LRMDA: variants seen among roughly 807,000 people sequenced by gnomAD.
LRMDA encodes the protein leucine-rich melanocyte differentiation-associated protein.
In LRMDA, 18 loss-of-function variants were observed where a neutral mutation model predicts 29.8. The observed-to-expected ratio is 0.60, with a 90% CI of 0.42 to 0.90. The LOEUF (loss-of-function observed/expected upper bound fraction) is 0.90, where lower values mean the gene tolerates loss of function less well. LRMDA is among the 40% of genes least tolerant of loss of function. The pLI is 0.00. For missense variants in LRMDA, 273 were observed against 273.9 expected (o/e 1.00, Z 0.02); for synonymous variants, 125 against 109.4 (o/e 1.14, Z -0.89).
intron 2 of LRMDA, among the ~76,000 whole-genome samples, chr10:75,508,713 C>T (rs1194045451): frequency 6.6e-6 from 1 of 152,194 alleles, no homozygotes; most frequent in Non-Finnish European, 1.5e-5. Context: ...GTGTGCCTGT[C>T]AGAGGCTCCC....
intron 6 of LRMDA, among the ~76,000 whole-genome samples, chr10:76,460,906 A>G (rs1335162338): frequency 6.6e-6 from 1 of 152,202 alleles, no homozygotes; most frequent in Non-Finnish European, 1.5e-5. Flanking sequence ...TACTGTATTC[A>G]TAGATAAAAA....
Position 76,380,876 on chromosome 10 carries a change from TTAAA to T in LRMDA, c.601+56395_601+56398del, listed in dbSNP as rs539184521. 3.2e-4 allele frequency among the ~76,000 whole-genome samples: 48 copies of T among 151,942 alleles called. 1 individual carries two copies. The highest frequency in any genetic ancestry group is 1.1e-3 in the African/African-American group (44 of 41,516). Reference sequence around the variant, plus strand: ...GCCACTGTTAACAACCTATTTTTATTTAAATAATAAAATGCATGTAGCTGAAAGG... The same window carrying T: ...GCCACTGTTAACAACCTATTTTTATTTAATAAAATGCATGTAGCTGAAAGG... On this transcript the variant is annotated intron_variant, in intron 6 of 6. Coordinates refer to ENST00000611255, the MANE Select transcript of LRMDA (RefSeq NM_001305581.2).
At chr10:75,857,887 A>C (rs1207444821) in intron 2 of LRMDA, among the ~76,000 whole-genome samples, 1 of 152,260 alleles carries the variant, frequency 6.6e-6, no homozygotes, top group African/African-American at 2.4e-5. Context: ...GCAGGAGGGC[A>C]CACACAGTTC....
At chr10:75,474,679 G>T (rs1176292546) in intron 2 of LRMDA, among the ~76,000 whole-genome samples, 1 of 152,214 alleles carries the variant, frequency 6.6e-6, no homozygotes, top group Non-Finnish European at 1.5e-5. Context: ...ATCTGGGAGG[G>T]TAGTCAGAGT....
intron 5 of LRMDA, among the ~76,000 whole-genome samples, chr10:76,298,418 C>T (rs1167740566): frequency 6.6e-6 from 1 of 152,192 alleles, no homozygotes; most frequent in African/African-American, 2.4e-5. Context: ...GCCATCCTCT[C>T]TCCTTGTCCT....
chr10:76,067,706 G>A (rs940864156), intron 5 of LRMDA, among the ~76,000 whole-genome samples: 3 of 152,124 alleles, frequency 2.0e-5, no homozygotes, highest in African/African-American at 7.2e-5. Flanking sequence ...GTGATTCTAG[G>A]CTAGTGATGA....
At chr10:75,860,657 A>G (rs992986866) in intron 2 of LRMDA, among the ~76,000 whole-genome samples, 4 of 152,168 alleles carry the variant, frequency 2.6e-5, no homozygotes, top group East Asian at 1.9e-4. Flanking sequence ...TTGAAGCCCA[A>G]TGTTGCTTGT....
intron 5 of LRMDA, among the ~76,000 whole-genome samples, chr10:76,285,887 C>T (rs1840265029): frequency 6.6e-6 from 1 of 152,164 alleles, no homozygotes; most frequent in South Asian, 2.1e-4. Flanking sequence ...GCTAGAGTCC[C>T]TCTTGAAAAG....
intron 6 of LRMDA, among the ~76,000 whole-genome samples, chr10:76,539,729 G>T (rs1466837172): frequency 6.6e-6 from 1 of 152,118 alleles, no homozygotes. Flanking sequence ...TCAGAGCATT[G>T]TTTAAATTTA....
At chr10:75,518,174 G>A (rs1845315489) in intron 2 of LRMDA, among the ~76,000 whole-genome samples, 1 of 152,122 alleles carries the variant, frequency 6.6e-6, no homozygotes, top group Non-Finnish European at 1.5e-5. Context: ...TTTTGTGTGT[G>A]TATCTCTTTC....
At position 75,881,880 on chromosome 10, in the gene LRMDA, C is replaced by G. The variant is rs141528186; in HGVS notation, c.132-154128C>G. On this transcript the variant is annotated intron_variant, in intron 2 of 6. Coordinates refer to ENST00000611255, the MANE Select transcript of LRMDA (RefSeq NM_001305581.2). ...ATTCTTTGTCCAAACTTCCAAGAAC[C>G]TAGACAACTTGCAGTCAAGACCCTC... Among the ~76,000 whole-genome samples, 709 of 152,324 alleles carry G rather than the reference C, an allele frequency of 4.7e-3. 10 individuals carry two copies. The highest frequency in any genetic ancestry group is 0.016 in the African/African-American group (680 of 41,570).
chr10:75,598,292 G>C (rs1245922086), intron 2 of LRMDA, among the ~76,000 whole-genome samples: 1 of 152,180 alleles, frequency 6.6e-6, no homozygotes, highest in Admixed American at 6.5e-5. Flanking sequence ...TGCAGACGCA[G>C]CGTGAAAGGA....
intron 2 of LRMDA, among the ~76,000 whole-genome samples, chr10:75,456,603 C>G (rs183833216): frequency 3.3e-4 from 50 of 152,348 alleles, no homozygotes; most frequent in Non-Finnish European, 5.9e-4. Context: ...GGGTTACACA[C>G]TAGGTAGGTG....
intron 5 of LRMDA, among the ~76,000 whole-genome samples, chr10:76,278,070 A>G (rs1840158349): frequency 6.6e-6 from 1 of 152,194 alleles, no homozygotes; most frequent in African/African-American, 2.4e-5. Flanking sequence ...ATGCCTAGAT[A>G]AAGTTTGCTT....
chr10:75,496,706 A>G (rs1206040023), intron 2 of LRMDA, among the ~76,000 whole-genome samples: 3 of 152,198 alleles, frequency 2.0e-5, no homozygotes, highest in Non-Finnish European at 1.5e-5. Context: ...GAACTGACCT[A>G]GCATACTTTC....
chr10:75,832,318 C>A (rs1015458052), intron 2 of LRMDA, among the ~76,000 whole-genome samples: 2 of 152,114 alleles, frequency 1.3e-5, no homozygotes, highest in African/African-American at 4.8e-5. Context: ...AGGGAAGGAG[C>A]AAAATGCCAC....
intron 4 of LRMDA, among the ~76,000 whole-genome samples, chr10:76,048,090 C>A (rs1173307853): frequency 6.6e-6 from 1 of 152,068 alleles, no homozygotes; most frequent in Admixed American, 6.5e-5. Context: ...CTTTAATGAC[C>A]TTTTCATGGA....
chr10:75,817,970 C>T (rs1208057276), intron 2 of LRMDA, among the ~76,000 whole-genome samples: 1 of 152,160 alleles, frequency 6.6e-6, no homozygotes, highest in East Asian at 1.9e-4. Context: ...CCCATTTTAC[C>T]ATCTTGGCTT....
intron 2 of LRMDA, among the ~76,000 whole-genome samples, chr10:75,728,832 G>A (rs186574128): frequency 1.0e-3 from 155 of 152,104 alleles, no homozygotes; most frequent in Middle Eastern, 3.4e-3. Context: ...ATACTTTTGG[G>A]TAGATGGATA....
Sources: gnomAD v4.1 joint callset for allele counts (sites outside exome capture counted in the v4.1 genomes callset) on GRCh38, gnomAD v4.1.1 for gene constraint, MANE v1.5 for transcripts, NCBI Gene and HGNC (gene_info 2026-07-23, HGNC 2026-07-21) for gene names.